The following PLA2G4E variants were observed in gnomAD, a reference collection of about 807,000 sequenced individuals.
The protein encoded by PLA2G4E is phospholipase A2 group IVE.
Under a neutral mutation model 109.1 loss-of-function variants are expected in PLA2G4E, and 84 were observed. The ratio of observed to expected loss-of-function variants is 0.77; its 90% confidence interval spans 0.65 to 0.92. The LOEUF is 0.92. Among genes scored for constraint, PLA2G4E ranks in the 40% least tolerant of loss-of-function variants. PLA2G4E has a pLI of 0.00. For missense variants in PLA2G4E, 1,057 were observed against 1,076.6 expected, an observed-to-expected ratio of 0.98 and a Z score of 0.25; for synonymous variants, 469 against 436.1, an observed-to-expected ratio of 1.08 and a Z score of -0.94.
At chr15:41,993,097 G>A (rs1414841952) in intron 12 of PLA2G4E, 138 bp from the exon 13 acceptor site, 14 of 696,548 alleles carry the variant, frequency 2.0e-5, no homozygotes, top group Middle Eastern at 4.0e-4. Context: ...TAGGGGTGAG[G>A]CAGAGACCTG....
intron 10 of PLA2G4E, 134 bp downstream of exon 10, chr15:41,999,390 G>T: frequency 3.0e-6 from 2 of 656,386 alleles, no homozygotes; most frequent in Non-Finnish European, 2.7e-6. Context: ...AAGATGATAT[G>T]CCAGCCAGCC....
At chr15:41,987,351 A>G in exon 17 of PLA2G4E, 1 of 1,613,610 alleles carries the variant, frequency 6.2e-7, no homozygotes, top group Non-Finnish European at 8.5e-7. Context: ...ACATTTGGGG[A>G]TTTCAGGCAG....
intron 1 of PLA2G4E, among the ~76,000 whole-genome samples, chr15:42,044,373 C>T (rs143877623): frequency 1.3e-5 from 2 of 151,904 alleles, no homozygotes; most frequent in Non-Finnish European, 2.9e-5. Context: ...CAGTGCAAGG[C>T]GTTGAGGAGT....
chr15:41,993,723 C>A (rs763177349), intron 12 of PLA2G4E, among the ~76,000 whole-genome samples: 6 of 152,080 alleles, frequency 3.9e-5, no homozygotes, highest in African/African-American at 1.2e-4. Context: ...AGCTAGTCTG[C>A]GGCTGCACAT....
intron 1 of PLA2G4E, among the ~76,000 whole-genome samples, chr15:42,017,332 C>G (rs2068604968): frequency 6.6e-6 from 1 of 152,168 alleles, no homozygotes. Flanking sequence ...AAGTTCACTC[C>G]CATCATCTAA....
Position 42,002,264 on chromosome 15 carries a change from C to CAAAAAAAAAAAAAAAAAAAAA in PLA2G4E, c.609+369_609+389dup, listed in dbSNP as rs71108143. ...TGGGCGACAGAGTGAGACCTTGTCTCAAAAAAAAAAAAAAAAAAAAAAAGG... is the reference window on the plus strand; with the variant it reads ...TGGGCGACAGAGTGAGACCTTGTCTCAAAAAAAAAAAAAAAAAAAAAAAAAAAAAAAAAAAAAAAAAAAAGG... On this transcript the variant is annotated intron_variant, in intron 6 of 19. Transcript: ENST00000399518. 4.4e-4 allele frequency among the ~76,000 whole-genome samples: 32 copies of CAAAAAAAAAAAAAAAAAAAAA among 73,208 alleles called. 2 individuals carry two copies. The highest frequency in any genetic ancestry group is 1.9e-3 in the African/African-American group (31 of 16,174). The allele number at this position is 73,208 out of a possible 152,430, so 48.0% of individuals were successfully genotyped here.
chr15:42,050,384 A>G (rs1233190321), intron 1 of PLA2G4E: 1 of 1,026,200 alleles, frequency 9.7e-7, no homozygotes, highest in Non-Finnish European at 1.4e-6. Flanking sequence ...GGGTAAAGGG[A>G]CTCCTCCGGA....
intron 1 of PLA2G4E, among the ~76,000 whole-genome samples, chr15:42,032,203 T>TAG (rs1889124764): frequency 6.6e-6 from 1 of 152,162 alleles, no homozygotes; most frequent in Non-Finnish European, 1.5e-5. Context: ...ACCTCTTTTC[T>TAG]TTGTAAATTA....
intron 1 of PLA2G4E, among the ~76,000 whole-genome samples, chr15:42,044,118 T>C (rs917816739): frequency 2.0e-5 from 3 of 152,156 alleles, no homozygotes; most frequent in African/African-American, 4.8e-5. Context: ...AAAATCAACA[T>C]GGTGCCTGCT....
At chr15:42,010,346 T>G in intron 2 of PLA2G4E, 1 of 329,332 alleles carries the variant, frequency 3.0e-6, no homozygotes, top group South Asian at 3.2e-5. Context: ...AAATAAAAAC[T>G]CAGTATTTTT....
intron 1 of PLA2G4E, among the ~76,000 whole-genome samples, chr15:42,039,822 CT>C (rs1184156111): frequency 6.6e-6 from 1 of 152,030 alleles, no homozygotes; most frequent in African/African-American, 2.4e-5. Context: ...ACATACATAC[CT>C]TGTTCTTAAA....
At position 42,004,919 on chromosome 15, in the gene PLA2G4E, G is replaced by C. The variant is rs768928825; in HGVS notation, c.566+19C>G. On this transcript the variant is annotated intron_variant, in intron 5 of 19. Coordinates refer to ENST00000399518, the Ensembl canonical transcript of PLA2G4E. ...GATGGCCAGGACCTTGGTGGGCCCC[G>C]GGGCCTGGGCCTACTCACCTCTCCT... The C allele has an allele frequency of 6.2e-7, 1 of 1,612,200 alleles. No individual in the cohort carries two copies. The highest frequency in any genetic ancestry group is 1.7e-5 in the Admixed American group (1 of 59,914).
At chr15:42,044,858 G>C (rs1668598) in intron 1 of PLA2G4E, among the ~76,000 whole-genome samples, 14,127 of 152,092 alleles carry the variant, frequency 0.093, 699 homozygotes, top group South Asian at 0.19. Context: ...GGCAGGACAG[G>C]GACAGGAAGA....
intron 1 of PLA2G4E, among the ~76,000 whole-genome samples, chr15:42,039,027 G>A (rs751654512): frequency 2.0e-5 from 3 of 152,060 alleles, no homozygotes; most frequent in East Asian, 1.9e-4. Flanking sequence ...ATTAGGGATC[G>A]TGGGCATCTT....
chr15:42,016,551 G>T (rs1025101187), intron 1 of PLA2G4E, among the ~76,000 whole-genome samples: 1 of 151,936 alleles, frequency 6.6e-6, no homozygotes, highest in Admixed American at 6.6e-5. Context: ...TGGCCAGGCT[G>T]GTCTCAAACT....
At chr15:42,001,841 G>C (rs1189792166) in intron 6 of PLA2G4E, among the ~76,000 whole-genome samples, 3 of 152,096 alleles carry the variant, frequency 2.0e-5, no homozygotes, top group Non-Finnish European at 4.4e-5. Flanking sequence ...ACAGACACAT[G>C]CTACCATGCC....
chr15:42,014,643 G>A (rs988879717), intron 1 of PLA2G4E, among the ~76,000 whole-genome samples: 2 of 152,178 alleles, frequency 1.3e-5, no homozygotes, highest in African/African-American at 4.8e-5. Context: ...TACTTACTTA[G>A]CTCCAGCCCA....
chr15:42,022,690 CA>C (rs962062259), intron 1 of PLA2G4E, among the ~76,000 whole-genome samples: 1 of 152,138 alleles, frequency 6.6e-6, no homozygotes, highest in African/African-American at 2.4e-5. Flanking sequence ...GGTGGTAATA[CA>C]AGTGATGGGG....
chr15:41,988,539 T>C (rs1213351654), intron 15 of PLA2G4E, among the ~76,000 whole-genome samples: 2 of 152,134 alleles, frequency 1.3e-5, no homozygotes, highest in Non-Finnish European at 2.9e-5. Context: ...ATGCTATTTG[T>C]TATTATGATT....
Sources: gnomAD v4.1 joint callset for allele counts (sites outside exome capture counted in the v4.1 genomes callset) on GRCh38, gnomAD v4.1.1 for gene constraint, MANE v1.5 for transcripts, NCBI Gene and HGNC (gene_info 2026-07-23, HGNC 2026-07-21) for gene names.